The following KALRN variants were observed in gnomAD, a reference collection of about 807,000 sequenced individuals.
The protein encoded by KALRN is kalirin.
Under a neutral mutation model 353.7 loss-of-function variants are expected in KALRN, and 70 were observed. The observed-to-expected ratio is 0.20, with a 90% CI of 0.16 to 0.24. The LOEUF (loss-of-function observed/expected upper bound fraction) is 0.24. Among genes scored for constraint, KALRN ranks in the 10% least tolerant of loss-of-function variants. The pLI is 1.00. For synonymous variants in KALRN, 1,391 were observed against 1,434.8 expected, an observed-to-expected ratio of 0.97 and a Z score of 0.69; for missense variants, 2,791 against 3,756.7, an observed-to-expected ratio of 0.74 and a Z score of 6.72.
chr3:124,095,453 A>G (rs1471112272), intron 1 of KALRN, among the ~76,000 whole-genome samples: 1 of 152,166 alleles, frequency 6.6e-6, no homozygotes, highest in Non-Finnish European at 1.5e-5. Context: ...ATATAACATC[A>G]TATATGGTGC....
At chr3:124,651,787 G>A (rs1316906208) in intron 38 of KALRN, among the ~76,000 whole-genome samples, 5 of 151,708 alleles carry the variant, frequency 3.3e-5, no homozygotes, top group African/African-American at 7.3e-5. Flanking sequence ...ACAGGTGTGC[G>A]CCACCATGCC....
chr3:124,683,233 C>T (rs2061417857), intron 51 of KALRN, among the ~76,000 whole-genome samples: 1 of 152,162 alleles, frequency 6.6e-6, no homozygotes. Context: ...GTGCCTTTTG[C>T]AGGGCTGAGA....
At chr3:124,360,738 C>G (rs1202517436) in intron 10 of KALRN, among the ~76,000 whole-genome samples, 1 of 152,172 alleles carries the variant, frequency 6.6e-6, no homozygotes, top group Admixed American at 6.5e-5. Flanking sequence ...TTAAGAGAAG[C>G]AGAATCAACT....
rs796628603 is a variant in KALRN, at chr3:124,642,806, G to GTTGT, written c.5664+5505_5664+5506insGTTT. 4.8e-4 allele frequency among the ~76,000 whole-genome samples: 46 copies of GTTGT among 96,808 alleles called. 3 individuals carry two copies. Among genetic ancestry groups the GTTGT allele is most frequent in the East Asian group, 1.9e-3 (4 of 2,098 alleles). 63.5% of individuals were successfully genotyped at this position (96,808 alleles called of 152,430 possible). On this transcript the variant is annotated intron_variant, in intron 37 of 59. Transcript: ENST00000682506. ...TCTGTGGAAGAGATTCCCAAGCCTC[G>GTTGT]TTTTTTTTTTTTTTTTTTTTGAGAC...
intron 38 of KALRN, among the ~76,000 whole-genome samples, chr3:124,652,064 G>A (rs574620415): frequency 2.6e-5 from 4 of 152,268 alleles, no homozygotes; most frequent in African/African-American, 9.6e-5. Context: ...GGTGTGAAGG[G>A]TCCCTCCCTG....
chr3:124,255,560 G>A (rs13320544), intron 3 of KALRN, among the ~76,000 whole-genome samples: 10,404 of 152,208 alleles, frequency 0.068, 396 homozygotes, highest in Middle Eastern at 0.095. Context: ...TATTTGTGAA[G>A]CACCTTCATA....
chr3:124,389,420 T>C (rs1167385028), intron 11 of KALRN, among the ~76,000 whole-genome samples: 1 of 152,174 alleles, frequency 6.6e-6, no homozygotes, highest in Non-Finnish European at 1.5e-5. Context: ...GAGGAAGATA[T>C]AAAAAGATAA....
intron 1 of KALRN, among the ~76,000 whole-genome samples, chr3:124,116,194 C>T (rs1316811405): frequency 6.6e-6 from 1 of 152,144 alleles, no homozygotes; most frequent in Non-Finnish European, 1.5e-5. Flanking sequence ...ATCTTCTGTT[C>T]CAGCTGGTAG....
Position 124,360,042 on chromosome 3 carries a change from T to C in KALRN, c.1770+12777T>C, listed in dbSNP as rs74540692. Among the ~76,000 whole-genome samples, 62 of 152,350 alleles carry C rather than the reference T, an allele frequency of 4.1e-4. 1 individual carries two copies. In the East Asian group the frequency reaches 8.9e-3, roughly 22 times the overall value. On this transcript the variant is annotated intron_variant, in intron 10 of 59. Transcript: ENST00000682506. ...ACAAGGAAAGCCAATAGAGTAATGG[T>C]ATATCCTGCCTAGGGGCAGGGAACA...
At chr3:124,696,581 A>G (rs1221639214) in intron 54 of KALRN, among the ~76,000 whole-genome samples, 3 of 152,094 alleles carry the variant, frequency 2.0e-5, no homozygotes, top group Non-Finnish European at 4.4e-5. Flanking sequence ...GGGTCTCGCT[A>G]TGTTGCCCAG....
chr3:124,563,191 C>A lies in KALRN; in HGVS notation c.5182+102C>A, dbSNP rs569449407. 3 of 1,213,422 alleles carry A rather than the reference C, an allele frequency of 2.5e-6. No individual in the cohort carries two copies. In the Admixed American group the frequency reaches 7.1e-5, roughly 29 times the overall value. The allele number at this position is 1,213,422 out of a possible 1,614,324, so 75.2% of individuals were successfully genotyped here. A position where few individuals can be genotyped will look rare whatever the true frequency, so the allele number is the denominator to read the frequency against. On this transcript the variant is annotated intron_variant, in intron 34 of 59. Coordinates refer to ENST00000682506, the MANE Select transcript of KALRN (RefSeq NM_001388419.1). ...ATGGAAGTGACCTGTCTCACAGACCCATTTTTACCCTGTGGGGTTTCTTTG... is the reference window on the plus strand; with the variant it reads ...ATGGAAGTGACCTGTCTCACAGACCAATTTTTACCCTGTGGGGTTTCTTTG...
At chr3:124,384,026 C>G (rs551871855) in intron 10 of KALRN, among the ~76,000 whole-genome samples, 1 of 152,134 alleles carries the variant, frequency 6.6e-6, no homozygotes, top group Admixed American at 6.5e-5. Context: ...AAATGAGAAG[C>G]CTGCTGAGGA....
At chr3:124,543,570 G>C (rs2069294318) in intron 33 of KALRN, among the ~76,000 whole-genome samples, 1 of 151,998 alleles carries the variant, frequency 6.6e-6, no homozygotes, top group East Asian at 1.9e-4. Context: ...CAAAGTGCTG[G>C]GATTACAGGT....
At chr3:124,707,182 T>C (rs547763723) in intron 57 of KALRN, among the ~76,000 whole-genome samples, 5 of 151,256 alleles carry the variant, frequency 3.3e-5, no homozygotes, top group Admixed American at 6.6e-5. Flanking sequence ...CTACAAAAAA[T>C]AAAAGAAAAA....
In KALRN at chr3:124,109,943, G is replaced by GAT. The variant is rs572475450; in HGVS notation, c.73+76137_73+76138dup. Among the ~76,000 whole-genome samples the GAT allele has an allele frequency of 5.0e-3, 253 of 50,696 alleles. 56 individuals are homozygous for GAT. Among genetic ancestry groups the GAT allele is most frequent in the Middle Eastern group, 0.031 (1 of 32 alleles). 33.3% of individuals were successfully genotyped at this position (50,696 alleles called of 152,430 possible). ...ATATATGACATATATGTCATACTTTGATATATATGACATATATGTCATACT... is the reference window on the plus strand; with the variant it reads ...ATATATGACATATATGTCATACTTTGATATATATATGACATATATGTCATACT... On this transcript the variant is annotated intron_variant, in intron 1 of 59. Transcript: ENST00000682506.
intron 1 of KALRN, among the ~76,000 whole-genome samples, chr3:124,051,420 A>G (rs921803678): frequency 4.6e-5 from 7 of 152,272 alleles, no homozygotes; most frequent in African/African-American, 1.7e-4. Flanking sequence ...TTCAACAATG[A>G]CGAGTTCTAG....
intron 3 of KALRN, among the ~76,000 whole-genome samples, chr3:124,259,868 G>C (rs1455898034): frequency 6.6e-6 from 1 of 152,176 alleles, no homozygotes; most frequent in African/African-American, 2.4e-5. Flanking sequence ...GTTGTCCATG[G>C]AAGACTTCCT....
Position 124,692,772 on chromosome 3 carries a change from A to C in KALRN, c.7378-1032A>C, listed in dbSNP as rs182697259. ...TACACTAGGTATTATTTATCCCCAT[A>C]TTATAGTGGAACATCAGTTATTACG... On this transcript the variant is annotated intron_variant, in intron 51 of 59. Transcript: ENST00000682506. Among the ~76,000 whole-genome samples the C allele has an allele frequency of 1.2e-4, 18 of 152,364 alleles. No individual in the cohort carries two copies. The East Asian group carries it at 3.1e-3, about 26-fold the overall frequency.
chr3:124,442,739 C>G lies in KALRN; in HGVS notation c.3313+680C>G, dbSNP rs1258666763. Among the ~76,000 whole-genome samples, 4 of 152,264 alleles carry G rather than the reference C, an allele frequency of 2.6e-5. No homozygotes were observed. In the East Asian group the frequency reaches 7.7e-4, roughly 29 times the overall value. The stretch of plus-strand genomic sequence containing the variant: ...CTGAGTCAGAAACTGCATTTTGGCA[C>G]TTTGGGAGGCTGAGATGGGAGGGTT... On this transcript the variant is annotated intron_variant, in intron 19 of 59. Coordinates refer to ENST00000682506, the MANE Select transcript of KALRN (RefSeq NM_001388419.1).
Sources: allele counts gnomAD v4.1 joint callset (sites outside exome capture counted in the v4.1 genomes callset), GRCh38; gene constraint gnomAD v4.1.1; transcripts MANE v1.5; gene names NCBI Gene and HGNC (gene_info 2026-07-23, HGNC 2026-07-21).